METTL24: variants seen among roughly 807,000 people sequenced by gnomAD.
METTL24 encodes probable methyltransferase-like protein 24.
Under a neutral mutation model 32.7 loss-of-function variants are expected in METTL24, and 29 were observed. That is an observed-to-expected ratio of 0.89 (90% confidence interval 0.66 to 1.21). The LOEUF (loss-of-function observed/expected upper bound fraction) is 1.21, where lower values mean the gene tolerates loss of function less well. METTL24 is among the 50% of genes most tolerant of loss of function. The pLI, the probability that METTL24 is intolerant of heterozygous loss-of-function variation, is 0.00. For synonymous variants in METTL24, 163 were observed against 179.5 expected, an observed-to-expected ratio of 0.91 and a Z score of 0.73; for missense variants, 439 against 468.1, an observed-to-expected ratio of 0.94 and a Z score of 0.57.
At chr6:110,355,730 C>G (rs1772686587) in intron 1 of METTL24, among the ~76,000 whole-genome samples, 1 of 152,172 alleles carries the variant, frequency 6.6e-6, no homozygotes, top group African/African-American at 2.4e-5. Context: ...TTCCATCTAT[C>G]CCCCAAACAA....
At chr6:110,291,857 A>G (rs956810034) in intron 4 of METTL24, among the ~76,000 whole-genome samples, 1 of 152,104 alleles carries the variant, frequency 6.6e-6, no homozygotes, top group African/African-American at 2.4e-5. Context: ...TCCATCTCCA[A>G]ATTCTCTTGT....
At chr6:110,249,747 C>T (rs1187373121) in intron 4 of METTL24, among the ~76,000 whole-genome samples, 1 of 151,876 alleles carries the variant, frequency 6.6e-6, no homozygotes, top group Non-Finnish European at 1.5e-5. Context: ...AGTGCCGATC[C>T]TAATACAGTT....
intron 4 of METTL24, among the ~76,000 whole-genome samples, chr6:110,263,791 G>C (rs1770800905): frequency 6.6e-6 from 1 of 152,170 alleles, no homozygotes; most frequent in South Asian, 2.1e-4. Context: ...CAATGGAACA[G>C]AACAGAGCCC....
In METTL24 at chr6:110,302,632, TAC is replaced by T. The variant is rs1398500685; in HGVS notation, c.558-3484_558-3483del. Among the ~76,000 whole-genome samples, 12 of 133,106 alleles carry T rather than the reference TAC, an allele frequency of 9.0e-5. 1 individual carries two copies. Among genetic ancestry groups the T allele is most frequent in the East Asian group, 4.2e-4 (2 of 4,746 alleles). 87.3% of individuals were successfully genotyped at this position (133,106 alleles called of 152,430 possible). ...ACATATGTGTATATATATACACATATACACACACATATGTGTATATATATACA... is the reference window on the plus strand; with the variant it reads ...ACATATGTGTATATATATACACATATACACACATATGTGTATATATATACA... On this transcript the variant is annotated intron_variant, in intron 3 of 4. Coordinates refer to ENST00000338882, the MANE Select transcript of METTL24 (RefSeq NM_001123364.3).
At chr6:110,349,837 T>C (rs1772558269) in intron 1 of METTL24, among the ~76,000 whole-genome samples, 1 of 152,196 alleles carries the variant, frequency 6.6e-6, no homozygotes, top group Admixed American at 6.5e-5. Flanking sequence ...GAAACTACCC[T>C]GGCTAGTTAA....
At chr6:110,306,743 G>A (rs1226627956) in intron 3 of METTL24, among the ~76,000 whole-genome samples, 2 of 152,074 alleles carry the variant, frequency 1.3e-5, no homozygotes, top group Admixed American at 6.6e-5. Flanking sequence ...TTGTGGTCAC[G>A]TAAAAAGCAA....
intron 4 of METTL24, among the ~76,000 whole-genome samples, chr6:110,286,631 G>A (rs1479349007): frequency 1.3e-5 from 2 of 152,134 alleles, no homozygotes; most frequent in Non-Finnish European, 2.9e-5. Flanking sequence ...AAAATGGAAG[G>A]TAGAACACCT....
At chr6:110,272,711 G>C (rs1770979270) in intron 4 of METTL24, among the ~76,000 whole-genome samples, 1 of 152,168 alleles carries the variant, frequency 6.6e-6, no homozygotes, top group African/African-American at 2.4e-5. Context: ...GCATTTCCCT[G>C]ATAATTAGTG....
intron 1 of METTL24, among the ~76,000 whole-genome samples, chr6:110,344,550 AT>A (rs1315480332): frequency 6.6e-6 from 1 of 152,226 alleles, no homozygotes; most frequent in Non-Finnish European, 1.5e-5. Context: ...AAATAAAAAA[AT>A]AATAATTGTG....
At chr6:110,255,872 G>C (rs1003566888) in intron 4 of METTL24, among the ~76,000 whole-genome samples, 1 of 152,092 alleles carries the variant, frequency 6.6e-6, no homozygotes, top group African/African-American at 2.4e-5. Context: ...TGGTGGGACT[G>C]GGTCAACCTC....
chr6:110,349,234 T>G (rs1772545070), intron 1 of METTL24, among the ~76,000 whole-genome samples: 2 of 152,222 alleles, frequency 1.3e-5, no homozygotes, highest in Admixed American at 6.5e-5. Context: ...TAGCATTGGG[T>G]GGGACTGAGC....
intron 4 of METTL24, among the ~76,000 whole-genome samples, chr6:110,246,777 A>G (rs1778172113): frequency 6.6e-6 from 1 of 152,168 alleles, no homozygotes; most frequent in African/African-American, 2.4e-5. Flanking sequence ...AAAGGAAGTG[A>G]CAAAGGGCTA....
At chr6:110,285,323 G>A (rs1185927455) in intron 4 of METTL24, among the ~76,000 whole-genome samples, 1 of 152,168 alleles carries the variant, frequency 6.6e-6, no homozygotes, top group Admixed American at 6.5e-5. Flanking sequence ...TTTAAAAGGT[G>A]CTTATGTTTT....
intron 3 of METTL24, 63 bp downstream of exon 3, chr6:110,315,279 A>G (rs1243439076): frequency 1.3e-5 from 21 of 1,584,642 alleles, no homozygotes; most frequent in Non-Finnish European, 8.6e-7. Flanking sequence ...TGTATTGCTG[A>G]AAAGGTCTGA....
intron 3 of METTL24, among the ~76,000 whole-genome samples, chr6:110,309,494 A>G (rs777989961): frequency 1.3e-5 from 2 of 152,204 alleles, no homozygotes; most frequent in Non-Finnish European, 2.9e-5. Flanking sequence ...TGCTGCTGAT[A>G]AAGACATACC....
chr6:110,262,032 C>T (rs1770743372), intron 4 of METTL24, among the ~76,000 whole-genome samples: 1 of 152,104 alleles, frequency 6.6e-6, no homozygotes, highest in Non-Finnish European at 1.5e-5. Context: ...CTAAAATTGA[C>T]ACCCTAACAT....
chr6:110,246,332 A>G, intron 4 of METTL24, 72 bp from the exon 5 acceptor site: 1 of 1,333,434 alleles, frequency 7.5e-7, no homozygotes, highest in Non-Finnish European at 1.0e-6. Context: ...TTCACATTAT[A>G]GCTACCTCTG....
chr6:110,258,980 T>C (rs1039050597), intron 4 of METTL24, among the ~76,000 whole-genome samples: 1 of 152,084 alleles, frequency 6.6e-6, no homozygotes, highest in Non-Finnish European at 1.5e-5. Flanking sequence ...TCCCCCAATA[T>C]CTTTTGAAAG....
intron 1 of METTL24, among the ~76,000 whole-genome samples, chr6:110,344,709 G>C (rs1418021674): frequency 6.6e-6 from 1 of 152,062 alleles, no homozygotes; most frequent in African/African-American, 2.4e-5. Flanking sequence ...TAAATGTTGT[G>C]GCATAACTGG....
Sources: gnomAD v4.1 joint callset for allele counts (sites outside exome capture counted in the v4.1 genomes callset) on GRCh38, gnomAD v4.1.1 for gene constraint, MANE v1.5 for transcripts, NCBI Gene and HGNC (gene_info 2026-07-23, HGNC 2026-07-21) for gene names.